The following FAT3 variants were observed in gnomAD, a reference collection of about 807,000 sequenced individuals.
FAT3 encodes the protein FAT atypical cadherin 3, also known as protocadherin Fat 3.
Under a neutral mutation model 310.2 loss-of-function variants are expected in FAT3, and 95 were observed. The observed-to-expected ratio is 0.31, with a 90% CI of 0.26 to 0.36. The LOEUF is 0.36. Ranked by LOEUF, FAT3 falls within the 10% of genes least tolerant of loss-of-function variation. The pLI is 1.00. For synonymous variants in FAT3, 2,314 were observed against 2,192.9 expected (o/e 1.06, Z -1.54); for missense variants, 5,408 against 5,715.6 (o/e 0.95, Z 1.74).
intron 2 of FAT3, among the ~76,000 whole-genome samples, chr11:92,487,198 CT>C (rs1952438804): frequency 6.6e-6 from 1 of 151,976 alleles, no homozygotes; most frequent in African/African-American, 2.4e-5. Context: ...GATATAGGAA[CT>C]GGGTCTCTGG....
intron 18 of FAT3, among the ~76,000 whole-genome samples, chr11:92,842,840 C>T (rs1431328230): frequency 6.6e-6 from 1 of 152,330 alleles, no homozygotes; most frequent in East Asian, 1.9e-4. Flanking sequence ...GATTGTACCA[C>T]CACTGCACTG....
chr11:92,304,019 G>A (rs1343590170), intron 1 of FAT3, among the ~76,000 whole-genome samples: 1 of 152,112 alleles, frequency 6.6e-6, no homozygotes, highest in East Asian at 1.9e-4. Context: ...TTTGAAAAAG[G>A]AGTTTTAGAA....
intron 13 of FAT3, among the ~76,000 whole-genome samples, chr11:92,826,271 C>A (rs1357117081): frequency 6.6e-6 from 1 of 152,206 alleles, no homozygotes; most frequent in African/African-American, 2.4e-5. Flanking sequence ...GATCATTTTT[C>A]TTCAAAGGAT....
chr11:92,238,163 T>C (rs1030459539), intron 1 of FAT3, among the ~76,000 whole-genome samples: 3 of 152,154 alleles, frequency 2.0e-5, no homozygotes, highest in Admixed American at 6.6e-5. Flanking sequence ...TTTCATATTC[T>C]CAGAATCTGG....
At chr11:92,584,313 C>T (rs899098565) in intron 3 of FAT3, among the ~76,000 whole-genome samples, 2 of 151,984 alleles carry the variant, frequency 1.3e-5, no homozygotes, top group African/African-American at 4.8e-5. Flanking sequence ...TTCTTGAATT[C>T]TGCAAAGATC....
chr11:92,690,155 C>T (rs905650038), intron 3 of FAT3, among the ~76,000 whole-genome samples: 10 of 152,226 alleles, frequency 6.6e-5, no homozygotes, highest in Non-Finnish European at 1.2e-4. Flanking sequence ...AAAATACTGC[C>T]TGGGATTTCC....
intron 2 of FAT3, among the ~76,000 whole-genome samples, chr11:92,479,777 G>A (rs1244687671): frequency 1.3e-5 from 2 of 152,138 alleles, no homozygotes; most frequent in Non-Finnish European, 2.9e-5. Flanking sequence ...TTTCATAGTA[G>A]TTATTTGCTT....
intron 2 of FAT3, among the ~76,000 whole-genome samples, chr11:92,398,718 A>G (rs1402862356): frequency 6.6e-6 from 1 of 152,134 alleles, no homozygotes; most frequent in Non-Finnish European, 1.5e-5. Flanking sequence ...AACCGATAAT[A>G]AATAACTCAC....
At chr11:92,255,203 T>C (rs1213437871) in intron 1 of FAT3, among the ~76,000 whole-genome samples, 3 of 152,142 alleles carry the variant, frequency 2.0e-5, no homozygotes, top group Non-Finnish European at 4.4e-5. Context: ...TGGCTACCTG[T>C]GCTGTGTCCC....
intron 3 of FAT3, among the ~76,000 whole-genome samples, chr11:92,650,308 C>G (rs1282428790): frequency 6.6e-6 from 1 of 152,106 alleles, no homozygotes; most frequent in Non-Finnish European, 1.5e-5. Flanking sequence ...CATGAGTCTT[C>G]CAGATATTGT....
rs1218456000 is a variant in FAT3, at chr11:92,800,420, G to A, written c.7407G>A (p.Val2469=). Residue 2469 remains valine, a synonymous_variant, in exon 10 of 28, where the codon GTG becomes GTA. Coordinates refer to ENST00000525166, the MANE Select transcript of FAT3 (RefSeq NM_001367949.2). Reference sequence around the variant, plus strand: ...TGGAGCCTCTGTACAGTCTCAATGTGTCTGTCTCTGATGGGTTGTTCACCA... The same window carrying A: ...TGGAGCCTCTGTACAGTCTCAATGTATCTGTCTCTGATGGGTTGTTCACCA... ...QRMEPLYSLN[V]SVSDGLFTST... The A allele has an allele frequency of 6.2e-7, 1 of 1,613,876 alleles. No individual in the cohort carries two copies. Among genetic ancestry groups the A allele is most frequent in the Non-Finnish European group, 8.5e-7 (1 of 1,179,894 alleles).
intron 2 of FAT3, among the ~76,000 whole-genome samples, chr11:92,394,096 C>T (rs1949806647): frequency 6.6e-6 from 1 of 152,080 alleles, no homozygotes; most frequent in African/African-American, 2.4e-5. Flanking sequence ...GTAATTCACT[C>T]AAGGAAAGAA....
Position 92,352,881 on chromosome 11 carries a change from G to C in FAT3, c.769G>C (p.Glu257Gln). 1 of 1,613,882 alleles carries C rather than the reference G, an allele frequency of 6.2e-7. No individual in the cohort carries two copies. Among genetic ancestry groups the C allele is most frequent in the Non-Finnish European group, 8.5e-7 (1 of 1,179,860 alleles). Reference sequence around the variant, plus strand: ...TACTGCAAAGCTTTATGTTCACATTGAGCGCATAAATGAACATGCCCCAAC... The same window carrying C: ...TACTGCAAAGCTTTATGTTCACATTCAGCGCATAAATGAACATGCCCCAAC... ...SSTAKLYVHI[E>Q]RINEHAPTIH... The change falls in exon 2 of 28, where the codon GAG becomes CAG. Residue 257 changes from glutamate (E) to glutamine (Q), a missense_variant. By Grantham distance (29) the Glu-to-Gln change is conservative. This residue lies in a region of FAT3 where 4,588 missense variants were observed against 4,809.8 expected (regional missense o/e 0.95). Transcript: ENST00000525166.
intron 1 of FAT3, among the ~76,000 whole-genome samples, chr11:92,271,752 TG>T (rs1480879130): frequency 2.6e-5 from 4 of 152,208 alleles, no homozygotes; most frequent in Non-Finnish European, 5.9e-5. Context: ...TTTGATATGC[TG>T]GGCTTAGTAA....
intron 15 of FAT3, 50 bp downstream of exon 15, chr11:92,835,134 C>A: frequency 1.3e-6 from 2 of 1,486,656 alleles, no homozygotes; most frequent in South Asian, 1.2e-5. Context: ...ACTAGTCATC[C>A]ACAATAAAGT....
intron 1 of FAT3, among the ~76,000 whole-genome samples, chr11:92,262,016 C>A (rs1353277921): frequency 1.3e-5 from 2 of 151,490 alleles, no homozygotes; most frequent in African/African-American, 4.8e-5. Context: ...TGAGGTCTCT[C>A]GAACAATAAA....
chr11:92,590,527 A>T (rs550540842), intron 3 of FAT3, among the ~76,000 whole-genome samples: 2 of 152,274 alleles, frequency 1.3e-5, no homozygotes, highest in South Asian at 4.1e-4. Flanking sequence ...TCAAAAATAC[A>T]GTTTCTCATA....
chr11:92,331,765 C>T (rs1333339703), intron 1 of FAT3, among the ~76,000 whole-genome samples: 1 of 152,152 alleles, frequency 6.6e-6, no homozygotes, highest in Non-Finnish European at 1.5e-5. Flanking sequence ...GTTCTTGATA[C>T]CCACTCATTT....
intron 4 of FAT3, among the ~76,000 whole-genome samples, chr11:92,712,318 C>T (rs138486808): frequency 1.3e-4 from 20 of 152,262 alleles, no homozygotes; most frequent in African/African-American, 4.8e-4. Flanking sequence ...AAGACTCTTA[C>T]GTGCATGCCA....
Sources: allele counts gnomAD v4.1 joint callset (sites outside exome capture counted in the v4.1 genomes callset), GRCh38; gene constraint gnomAD v4.1.1; regional missense constraint gnomAD v4.1.1; transcripts MANE v1.5; gene names NCBI Gene and HGNC (gene_info 2026-07-23, HGNC 2026-07-21).